Variants in STAT2 observed in about 807,000 individuals in gnomAD.
The protein encoded by STAT2 is signal transducer and activator of transcription 2.
Under a neutral mutation model 122.3 loss-of-function variants are expected in STAT2, and 51 were observed. The observed-to-expected ratio is 0.42, with a 90% CI of 0.33 to 0.53. STAT2 has a LOEUF of 0.53. Ranked by LOEUF, STAT2 falls within the 20% of genes least tolerant of loss-of-function variation. The pLI is 0.10. For missense variants in STAT2, 736 were observed against 1,010.3 expected (o/e 0.73, Z 3.68); for synonymous variants, 351 against 394.9 (o/e 0.89, Z 1.32).
intron 6 of STAT2, 53 bp downstream of exon 6, chr12:56,355,223 C>T: frequency 6.2e-7 from 1 of 1,605,654 alleles, no homozygotes; most frequent in African/African-American, 1.3e-5. Context: ...ACTTCCAGCT[C>T]CGGCTTCTCA....
intron 22 of STAT2, among the ~76,000 whole-genome samples, chr12:56,344,961 T>C (rs1332310452): frequency 5.3e-5 from 8 of 150,914 alleles, no homozygotes; most frequent in African/African-American, 1.7e-4. Flanking sequence ...TGAGCTGAGA[T>C]CGTGCCACTG....
intron 9 of STAT2, 36 bp downstream of exon 9, chr12:56,351,256 C>T (rs1592478328): frequency 6.2e-7 from 1 of 1,612,100 alleles, no homozygotes; most frequent in East Asian, 2.2e-5. Context: ...TCCCTTGTTC[C>T]TTCTTTCCCC....
intron 1 of STAT2, among the ~76,000 whole-genome samples, chr12:56,359,091 T>C (rs1879972727): frequency 6.6e-6 from 1 of 152,048 alleles, no homozygotes; most frequent in African/African-American, 2.4e-5. Context: ...TATTACAAAA[T>C]AAAGAGAAAT....
rs1878282292 is a variant in STAT2, at chr12:56,350,450, T to A, written c.1095-18A>T. ...GAGGATTCCTGAAAAGAAATAAATTTAAAAAAATCATTGGGCAAAAGAGTA... is the reference window on the plus strand; with the variant it reads ...GAGGATTCCTGAAAAGAAATAAATTAAAAAAAATCATTGGGCAAAAGAGTA... On this transcript the variant is annotated intron_variant, in intron 11 of 23. Coordinates refer to ENST00000314128, the MANE Select transcript of STAT2 (RefSeq NM_005419.4). 2 of 1,595,376 alleles carry A rather than the reference T, an allele frequency of 1.3e-6. No individual in the cohort carries two copies. Among genetic ancestry groups the A allele is most frequent in the African/African-American group, 1.4e-5 (1 of 73,862 alleles).
chr12:56,351,204 G>A lies in STAT2; in HGVS notation c.942-14C>T, dbSNP rs111278603. 6.2e-7 allele frequency: 1 copy of A among 1,612,700 alleles called. No homozygotes were observed. Among genetic ancestry groups the A allele is most frequent in the Non-Finnish European group, 8.5e-7 (1 of 1,179,076 alleles). On this transcript the variant is annotated splice_polypyrimidine_tract_variant and intron_variant, in intron 9 of 23. Transcript: ENST00000314128. ...ACCACAAAGGCTCTGAGGAGAGAGA[G>A]GTGTGGAGAGAATATATAGCTCAGT...
chr12:56,352,615 C>T (rs74420675), intron 8 of STAT2, among the ~76,000 whole-genome samples: 1 of 104,450 alleles, frequency 9.6e-6, no homozygotes, highest in Non-Finnish European at 1.7e-5. Flanking sequence ...TCAATCAATG[C>T]ATGCATGCAT....
intron 8 of STAT2, 116 bp downstream of exon 8, chr12:56,354,323 ATAGAGCTGCAGTCAGCAGGGAGCAGGG>A: frequency 7.7e-7 from 1 of 1,306,872 alleles, no homozygotes; most frequent in Non-Finnish European, 1.1e-6. Context: ...GAGGAGCAGA[ATAGAGCTGCAGTCAGCAGGGAGCAGGG>A]CTCATTCTGG....
intron 13 of STAT2, 183 bp from the exon 14 acceptor site, chr12:56,349,819 C>A (rs181763674): frequency 1.3e-5 from 10 of 781,432 alleles, no homozygotes; most frequent in Admixed American, 2.3e-5. Context: ...GAGGCTGAGG[C>A]GGGTGGATCA....
intron 1 of STAT2, among the ~76,000 whole-genome samples, chr12:56,358,255 T>TC (rs1879834256): frequency 6.6e-6 from 1 of 150,606 alleles, no homozygotes; most frequent in Non-Finnish European, 1.5e-5. Context: ...TTTTTTTTTT[T>TC]CTTTTTTTGA....
rs1876947353 is a variant in STAT2 at position 56,343,858 on chromosome 12, C to G, written c.2380G>C (p.Asp794His). 6.2e-7 allele frequency: 1 copy of G among 1,614,110 alleles called. No individual in the cohort carries two copies. Among genetic ancestry groups the G allele is most frequent in the African/African-American group, 1.3e-5 (1 of 74,916 alleles). The change falls in exon 23 of 24, where the codon GAT becomes CAT. Residue 794 changes from aspartate (D) to histidine (H), a missense_variant. By Grantham distance (81) the Asp-to-His change is moderately conservative. Transcript: ENST00000314128. ...GGCTCAGTGTTCAAATGTCTCAGAT[C>G]ACAGGGCAAATCTGGCTCTGGCACT... The part of the protein sequence containing the change: ...QPVPEPDLPC[D>H]LRHLNTEPME...
In STAT2 at chr12:56,347,042, C is replaced by G. The variant is rs570068291; in HGVS notation, c.1725-87G>C. On this transcript the variant is annotated intron_variant, in intron 19 of 23. Transcript: ENST00000314128. ...TCCCTGCTCCCCTTGTATGGAGAAA[C>G]AGCCCAGGTTTGGAATCCAGGCTTT... 2.8e-5 allele frequency: 43 copies of G among 1,553,532 alleles called. No homozygotes were observed. The African/African-American group carries it at 4.8e-4, about 17-fold the overall frequency.
chr12:56,344,106 T>A lies in STAT2; in HGVS notation c.2132A>T (p.Glu711Val). ...CTCCAGCTCTGGCTCTGGCTTAAGCTCCAGCGGTTGTTGCAGTTCATCCAC... is the reference window on the plus strand; with the variant it reads ...CTCCAGCTCTGGCTCTGGCTTAAGCACCAGCGGTTGTTGCAGTTCATCCAC... ...RQVDELQQPL[E>V]LKPEPELESL... The change falls in exon 23 of 24, where the codon GAG (glutamate) becomes GTG (valine). Residue 711 changes from glutamate to valine, a missense_variant. Physicochemically the swap from Glu to Val is moderately radical, Grantham distance 121. Transcript: ENST00000314128. The A allele has an allele frequency of 6.4e-7, 1 of 1,566,440 alleles. No individual in the cohort carries two copies. Among genetic ancestry groups the A allele is most frequent in the Non-Finnish European group, 8.7e-7 (1 of 1,154,152 alleles).
intron 8 of STAT2, chr12:56,352,374 T>TGGG (rs1878656193): frequency 5.7e-5 from 2 of 35,254 alleles, no homozygotes; most frequent in African/African-American, 1.3e-4. Flanking sequence ...TTTTTTTTGG[T>TGGG]GGGGGTGGGG....
chr12:56,350,447 AT>A lies in STAT2; in HGVS notation c.1095-16del. ...GAGGAGGATTCCTGAAAAGAAATAAATTTAAAAAAATCATTGGGCAAAAGAG... is the reference window on the plus strand; with the variant it reads ...GAGGAGGATTCCTGAAAAGAAATAAATTAAAAAAATCATTGGGCAAAAGAG... On this transcript the variant is annotated splice_polypyrimidine_tract_variant and intron_variant, in intron 11 of 23. Transcript: ENST00000314128. The A allele has an allele frequency of 6.3e-7, 1 of 1,596,184 alleles. No individual in the cohort carries two copies. Among genetic ancestry groups the A allele is most frequent in the Non-Finnish European group, 8.5e-7 (1 of 1,174,156 alleles).
intron 6 of STAT2, 98 bp downstream of exon 6, chr12:56,355,178 C>T: frequency 1.4e-6 from 2 of 1,404,162 alleles, no homozygotes; most frequent in South Asian, 1.2e-5. Flanking sequence ...GTGTGTCTGA[C>T]AGTGACTACT....
Position 56,355,321 on chromosome 12 carries a change from C to G in STAT2, c.502G>C (p.Asp168His). Residue 168 changes from aspartate to histidine, a missense_variant, in exon 6 of 24, where the codon GAC becomes CAC. Physicochemically the swap from Asp to His is moderately conservative, Grantham distance 81. Transcript: ENST00000314128. Reference sequence around the variant, plus strand: ...CGGAAGCAGAAGACATCCTGCTGGTCTTTCAGTTGGCTGATGGATTTTACC... The same window carrying G: ...CGGAAGCAGAAGACATCCTGCTGGTGTTTCAGTTGGCTGATGGATTTTACC... ...KLVKSISQLK[D>H]QQDVFCFRYK... 1 of 1,614,190 alleles carries G rather than the reference C, an allele frequency of 6.2e-7. No homozygotes were observed. Among genetic ancestry groups the G allele is most frequent in the Non-Finnish European group, 8.5e-7 (1 of 1,180,044 alleles).
chr12:56,359,253 G>A (rs1880001463), intron 1 of STAT2, among the ~76,000 whole-genome samples: 1 of 151,944 alleles, frequency 6.6e-6, no homozygotes, highest in African/African-American at 2.4e-5. Flanking sequence ...TATCTGTATT[G>A]CTTTTATGAT....
At chr12:56,349,945 A>T in intron 13 of STAT2, 152 bp downstream of exon 13, 1 of 716,022 alleles carries the variant, frequency 1.4e-6, no homozygotes, top group South Asian at 1.7e-5. Context: ...GCTACTCAGG[A>T]GGCTGAGACA....
chr12:56,355,758 G>A lies in STAT2; in HGVS notation c.331C>T (p.Leu111Phe), dbSNP rs199890161. The change falls in exon 4 of 24, where the codon CTC (leucine) becomes TTC (phenylalanine). Residue 111 changes from leucine (L) to phenylalanine (F), a missense_variant. By Grantham distance (22) the Leu-to-Phe change is conservative (BLOSUM62 0). Coordinates refer to ENST00000314128, the MANE Select transcript of STAT2 (RefSeq NM_005419.4). ...PTQLAEMIFNLLLEEKRILIQ... is the reference protein window; with the variant it reads ...PTQLAEMIFNFLLEEKRILIQ... Reference sequence around the variant, plus strand: ...AAAATTCTTTTTTCTTCCAGAAGGAGGTTAAAGATCATCTCAGCCAACTGG... The same window carrying A: ...AAAATTCTTTTTTCTTCCAGAAGGAAGTTAAAGATCATCTCAGCCAACTGG... The A allele has an allele frequency of 5.7e-5, 92 of 1,614,120 alleles. No homozygotes were observed. Among genetic ancestry groups the A allele is most frequent in the Non-Finnish European group, 7.0e-5 (83 of 1,180,036 alleles).
Sources: allele counts gnomAD v4.1 joint callset (sites outside exome capture counted in the v4.1 genomes callset), GRCh38; gene constraint gnomAD v4.1.1; transcripts MANE v1.5; gene names NCBI Gene and HGNC (gene_info 2026-07-23, HGNC 2026-07-21).